Variants in VAV2 observed in about 807,000 individuals in gnomAD.
VAV2 encodes vav guanine nucleotide exchange factor 2, also known as guanine nucleotide exchange factor VAV2.
A neutral mutation model predicts 132.5 loss-of-function variants in VAV2; 67 were observed. The observed-to-expected ratio is 0.51, with a 90% CI of 0.42 to 0.62. The LOEUF is 0.62. Among genes scored for constraint, VAV2 ranks in the 20% least tolerant of loss-of-function variants. VAV2 has a pLI of 0.00. For synonymous variants in VAV2, 492 were observed against 443.5 expected, an observed-to-expected ratio of 1.11 and a Z score of -1.37; for missense variants, 938 against 1,153.6, an observed-to-expected ratio of 0.81 and a Z score of 2.71.
intron 1 of VAV2, among the ~76,000 whole-genome samples, chr9:133,973,316 G>A (rs886533672): frequency 6.6e-6 from 1 of 152,174 alleles, no homozygotes; most frequent in Non-Finnish European, 1.5e-5. Flanking sequence ...GCTGTACCGC[G>A]AAACTCGGAG....
At chr9:133,975,214 G>A (rs894065490) in intron 1 of VAV2, among the ~76,000 whole-genome samples, 3 of 149,128 alleles carry the variant, frequency 2.0e-5, no homozygotes, top group African/African-American at 4.9e-5. Context: ...CGGCACCCCC[G>A]CCATGTCCAT....
intron 4 of VAV2, among the ~76,000 whole-genome samples, chr9:133,814,864 G>A (rs926998617): frequency 3.9e-5 from 6 of 152,172 alleles, no homozygotes; most frequent in South Asian, 2.1e-4. Context: ...AGCCCAGCCC[G>A]GGCTGCTGCA....
At chr9:133,808,526 C>T (rs185952371) in intron 7 of VAV2, among the ~76,000 whole-genome samples, 170 of 152,326 alleles carry the variant, frequency 1.1e-3, no homozygotes, top group African/African-American at 3.9e-3. Flanking sequence ...GCTCAGCAGG[C>T]CAGCAGGAGA....
chr9:133,986,019 G>A (rs1842847449), intron 1 of VAV2, among the ~76,000 whole-genome samples: 1 of 151,942 alleles, frequency 6.6e-6, no homozygotes, highest in Non-Finnish European at 1.5e-5. Flanking sequence ...GAGCAGAGAA[G>A]GACAAGAGAG....
chr9:133,904,404 T>A (rs1272499610), intron 2 of VAV2, among the ~76,000 whole-genome samples: 1 of 152,238 alleles, frequency 6.6e-6, no homozygotes, highest in Non-Finnish European at 1.5e-5. Context: ...ACTTTCTGAG[T>A]TCATGTCCTC....
chr9:133,917,949 A>G (rs1840159739), intron 2 of VAV2, among the ~76,000 whole-genome samples: 1 of 151,072 alleles, frequency 6.6e-6, no homozygotes, highest in Admixed American at 6.6e-5. Context: ...CAGCCCCCTA[A>G]GCCCCGGCCC....
intron 2 of VAV2, among the ~76,000 whole-genome samples, chr9:133,875,588 C>A (rs1304694579): frequency 6.6e-6 from 1 of 152,210 alleles, no homozygotes; most frequent in Non-Finnish European, 1.5e-5. Flanking sequence ...CACAGACTGC[C>A]CGGCACTGCA....
chr9:133,977,901 G>A (rs930634061), intron 1 of VAV2, among the ~76,000 whole-genome samples: 3 of 152,208 alleles, frequency 2.0e-5, no homozygotes, highest in Non-Finnish European at 4.4e-5. Flanking sequence ...AGCTGGCAAA[G>A]GGGATGGGGC....
At chr9:133,812,618 C>T (rs1031207396) in intron 4 of VAV2, among the ~76,000 whole-genome samples, 1 of 152,176 alleles carries the variant, frequency 6.6e-6, no homozygotes, top group African/African-American at 2.4e-5. Context: ...AAGCCTCTCT[C>T]CCCTGGCCCA....
At chr9:133,866,168 G>A (rs11793193) in intron 2 of VAV2, among the ~76,000 whole-genome samples, 485 of 152,312 alleles carry the variant, frequency 3.2e-3, no homozygotes, top group Non-Finnish European at 5.0e-3. Flanking sequence ...GGGGTGGGTG[G>A]GGAGCCAAGC....
At chr9:133,945,051 C>T (rs959060781) in intron 1 of VAV2, among the ~76,000 whole-genome samples, 1 of 152,184 alleles carries the variant, frequency 6.6e-6, no homozygotes, top group Non-Finnish European at 1.5e-5. Flanking sequence ...TGAGTCACTG[C>T]AGCAATTCCT....
intron 2 of VAV2, among the ~76,000 whole-genome samples, chr9:133,891,966 C>T (rs1420478931): frequency 5.8e-5 from 5 of 86,650 alleles, no homozygotes; most frequent in Non-Finnish European, 9.0e-5. Flanking sequence ...CCAAGGCATT[C>T]GGGGGAGAGG....
At chr9:133,778,138 C>T (rs751712356) in intron 22 of VAV2, among the ~76,000 whole-genome samples, 12 of 151,484 alleles carry the variant, frequency 7.9e-5, no homozygotes, top group South Asian at 2.1e-4. Context: ...GTGCCCAGAA[C>T]CCTTTACAGC....
intron 1 of VAV2, among the ~76,000 whole-genome samples, chr9:133,967,067 A>G (rs201127892): frequency 1.5e-5 from 1 of 67,504 alleles, no homozygotes; most frequent in Non-Finnish European, 3.2e-5. Context: ...TAGTAATGAT[A>G]ATAATAATAA....
Position 133,935,134 on chromosome 9 carries a change from CA to C in VAV2, c.321+3968del, listed in dbSNP as rs1476172506. ...CTGGGCAGGCCAAGGGTGGGAGGAA[CA>C]GGGGGAGGGCACGCAGCCATATCTT... is the stretch of plus-strand genomic sequence containing the variant. On this transcript the variant is annotated intron_variant, in intron 2 of 29. Transcript: ENST00000371850. This position sits in a 1 kb window ranked among gnomAD's most constrained non-coding sequence, Gnocchi z 5.2. Among the ~76,000 whole-genome samples the C allele has an allele frequency of 3.3e-5, 5 of 151,896 alleles. No homozygotes were observed. The highest frequency in any genetic ancestry group is 1.2e-4 in the African/African-American group (5 of 41,346).
chr9:133,960,873 G>A (rs757518873), intron 1 of VAV2, among the ~76,000 whole-genome samples: 73 of 152,350 alleles, frequency 4.8e-4, no homozygotes, highest in Non-Finnish European at 6.2e-4. Context: ...CAGGCTCCCC[G>A]GGGACAGAGC....
chr9:133,873,306 G>A lies in VAV2; in HGVS notation c.322-11874C>T, dbSNP rs117314661. Among the ~76,000 whole-genome samples, 350 of 152,254 alleles carry A rather than the reference G, an allele frequency of 2.3e-3. 1 individual carries two copies. The highest frequency in any genetic ancestry group is 4.2e-3 in the Non-Finnish European group (287 of 68,026). On this transcript the variant is annotated intron_variant, in intron 2 of 29. Transcript: ENST00000371850. ...ATCAAGTCCTAAGCCTGCCACGGAC[G>A]ATCTCAGCCACTCCTCTCTGGGCCT...
chr9:133,962,493 G>A (rs1841997654), intron 1 of VAV2, among the ~76,000 whole-genome samples: 1 of 152,082 alleles, frequency 6.6e-6, no homozygotes, highest in Admixed American at 6.5e-5. Context: ...TGGGTCTTGA[G>A]GGGCTGCTCA....
In VAV2 at chr9:133,912,683, A is replaced by T. The variant is rs2810503; in HGVS notation, c.321+26420T>A. ...CCGAGGCGCTCCCAAGCTGTCAGGC[A>T]GCCATCCTCAGGGGCTGCAGTCACC... On this transcript the variant is annotated intron_variant, in intron 2 of 29. Coordinates refer to ENST00000371850, the MANE Select transcript of VAV2 (RefSeq NM_001134398.2). The surrounding 1 kb of genome is among the most constrained non-coding windows in gnomAD (Gnocchi z 4.3). Among the ~76,000 whole-genome samples the T allele has an allele frequency of 6.6e-6, 1 of 152,042 alleles. No homozygotes were observed. Among genetic ancestry groups the T allele is most frequent in the Non-Finnish European group, 1.5e-5 (1 of 68,024 alleles).
Sources: gnomAD v4.1 joint callset for allele counts (sites outside exome capture counted in the v4.1 genomes callset) on GRCh38, gnomAD v4.1.1 for gene constraint, Gnocchi (gnomAD v3.1) non-coding constraint, MANE v1.5 for transcripts, NCBI Gene and HGNC (gene_info 2026-07-23, HGNC 2026-07-21) for gene names.